GLCE: variants seen among roughly 807,000 people sequenced by gnomAD.
GLCE encodes the protein glucuronic acid epimerase.
GLCE carries 19 observed loss-of-function variants against 47.9 expected under a neutral mutation model. The observed-to-expected ratio is 0.40, with a 90% CI of 0.28 to 0.58. The LOEUF is 0.58. Ranked by LOEUF, GLCE falls within the 20% of genes least tolerant of loss-of-function variation. The pLI is 0.48. For synonymous variants in GLCE, 245 were observed against 263.4 expected, an observed-to-expected ratio of 0.93 and a Z score of 0.68; for missense variants, 556 against 743.3, an observed-to-expected ratio of 0.75 and a Z score of 2.93.
intron 4 of GLCE, among the ~76,000 whole-genome samples, chr15:69,264,331 T>C (rs760528944): frequency 3.3e-5 from 5 of 152,148 alleles, no homozygotes; most frequent in Non-Finnish European, 7.4e-5. Context: ...GATTTCCTTC[T>C]TTGTTATGGC....
At position 69,242,136 on chromosome 15, in the gene GLCE, G is replaced by C. The variant is rs559320382; in HGVS notation, c.-13-13658G>C. The stretch of plus-strand genomic sequence containing the variant: ...TCCATAGCTACAAGTTCATTATCCT[G>C]TGTTTGAAAAGGGCCTCACTTAATG... On this transcript the variant is annotated intron_variant, in intron 2 of 4. Transcript: ENST00000261858. Among the ~76,000 whole-genome samples, 25 of 152,220 alleles carry C rather than the reference G, an allele frequency of 1.6e-4. 1 individual carries two copies. In the South Asian group the frequency reaches 5.2e-3, roughly 32 times the overall value.
intron 2 of GLCE, among the ~76,000 whole-genome samples, 156 bp downstream of exon 2, chr15:69,210,562 T>G (rs1387716781): frequency 6.6e-6 from 1 of 152,148 alleles, no homozygotes; most frequent in Non-Finnish European, 1.5e-5. Flanking sequence ...TAATGTGTAT[T>G]TGATTAACAC....
At chr15:69,176,658 T>A (rs1461261209) in intron 1 of GLCE, among the ~76,000 whole-genome samples, 4 of 152,194 alleles carry the variant, frequency 2.6e-5, no homozygotes, top group Non-Finnish European at 5.9e-5. Flanking sequence ...TCAGTGACAT[T>A]CAGGGTAGGC....
chr15:69,210,894 C>T (rs1595757337), intron 2 of GLCE, among the ~76,000 whole-genome samples: 1 of 152,180 alleles, frequency 6.6e-6, no homozygotes. Context: ...GTCTGTATGG[C>T]CCACAAGCCT....
intron 1 of GLCE, among the ~76,000 whole-genome samples, chr15:69,206,484 C>A (rs1452476158): frequency 6.6e-6 from 1 of 151,912 alleles, no homozygotes; most frequent in East Asian, 1.9e-4. Context: ...ATTAAGTTTT[C>A]TTCTGTAAGT....
chr15:69,217,791 T>G (rs1344177123), intron 2 of GLCE, among the ~76,000 whole-genome samples: 1 of 152,214 alleles, frequency 6.6e-6, no homozygotes, highest in Non-Finnish European at 1.5e-5. Flanking sequence ...TCCTCACAAT[T>G]TATTTAGTCT....
chr15:69,243,979 C>A (rs920326497), intron 2 of GLCE, among the ~76,000 whole-genome samples: 3 of 152,088 alleles, frequency 2.0e-5, no homozygotes, highest in African/African-American at 7.2e-5. Flanking sequence ...TTTTTCACAC[C>A]CTAATTTCTT....
chr15:69,257,009 G>A (rs2052934752), intron 3 of GLCE, among the ~76,000 whole-genome samples: 1 of 152,168 alleles, frequency 6.6e-6, no homozygotes, highest in South Asian at 2.1e-4. Flanking sequence ...TTAAACAGAG[G>A]AAAGAGCTTA....
At chr15:69,253,311 G>A (rs557047816) in intron 2 of GLCE, among the ~76,000 whole-genome samples, 3 of 152,364 alleles carry the variant, frequency 2.0e-5, no homozygotes, top group Admixed American at 6.5e-5. Context: ...TGAAAGGTCT[G>A]CTGGCTCCCC....
chr15:69,260,252 G>GCTTTTTTTTTTTTTTT (rs57452657), intron 3 of GLCE, among the ~76,000 whole-genome samples: 1 of 79,224 alleles, frequency 1.3e-5, no homozygotes. Flanking sequence ...GTCACAACTG[G>GCTTTTTTTTTTTTTTT]TTTTTTTTTT....
intron 2 of GLCE, among the ~76,000 whole-genome samples, chr15:69,221,953 T>TC (rs1178866284): frequency 1.3e-5 from 2 of 152,172 alleles, no homozygotes; most frequent in Non-Finnish European, 2.9e-5. Flanking sequence ...GGGCTGATGT[T>TC]CTTTTTTCCT....
chr15:69,206,776 A>G (rs1220764097), intron 1 of GLCE, among the ~76,000 whole-genome samples: 6 of 151,990 alleles, frequency 3.9e-5, no homozygotes, highest in Middle Eastern at 6.8e-3. Flanking sequence ...GTGTTGGAGA[A>G]TTGTGTTTAG....
intron 2 of GLCE, among the ~76,000 whole-genome samples, chr15:69,252,944 T>C (rs1367672356): frequency 6.6e-6 from 1 of 152,182 alleles, no homozygotes; most frequent in Non-Finnish European, 1.5e-5. Flanking sequence ...AAATGTATTA[T>C]TGGGTTTCCA....
chr15:69,214,325 C>T (rs1314679196), intron 2 of GLCE, among the ~76,000 whole-genome samples: 1 of 151,984 alleles, frequency 6.6e-6, no homozygotes. Flanking sequence ...GAGGGAGAGA[C>T]CTGGTAGGAG....
chr15:69,243,114 A>G (rs1191852340), intron 2 of GLCE, among the ~76,000 whole-genome samples: 1 of 151,862 alleles, frequency 6.6e-6, no homozygotes, highest in East Asian at 1.9e-4. Flanking sequence ...AAGGAAAGAA[A>G]AAAAGAAAAC....
intron 2 of GLCE, among the ~76,000 whole-genome samples, chr15:69,223,152 A>G (rs1247090341): frequency 5.9e-5 from 9 of 152,192 alleles, no homozygotes; most frequent in Non-Finnish European, 1.3e-4. Context: ...ATGATTGCCC[A>G]TGTAGTTACT....
At chr15:69,226,237 T>C (rs562393429) in intron 2 of GLCE, among the ~76,000 whole-genome samples, 11 of 152,338 alleles carry the variant, frequency 7.2e-5, no homozygotes, top group African/African-American at 2.6e-4. Context: ...TATGAACATT[T>C]CAAAACTCTA....
rs192247002 is a variant in GLCE, at chr15:69,239,977, A to G, written c.-13-15817A>G. Among the ~76,000 whole-genome samples, 76 of 152,330 alleles carry G rather than the reference A, an allele frequency of 5.0e-4. 1 individual carries two copies. Among genetic ancestry groups the G allele is most frequent in the African/African-American group, 1.8e-3 (74 of 41,582 alleles). ...ATCATCAGTGATTGCTAAAAGTAAT[A>G]TTGGGTGAACTGCTAAAGGATAACT... is the stretch of plus-strand genomic sequence containing the variant. On this transcript the variant is annotated intron_variant, in intron 2 of 4. Coordinates refer to ENST00000261858, the MANE Select transcript of GLCE (RefSeq NM_015554.3).
chr15:69,229,021 A>G (rs1205528700), intron 2 of GLCE, among the ~76,000 whole-genome samples: 1 of 152,222 alleles, frequency 6.6e-6, no homozygotes, highest in Admixed American at 6.5e-5. Context: ...TACATATAAG[A>G]ACACAAAAAG....
Sources: gnomAD v4.1 joint callset for allele counts (sites outside exome capture counted in the v4.1 genomes callset) on GRCh38, gnomAD v4.1.1 for gene constraint, MANE v1.5 for transcripts, NCBI Gene and HGNC (gene_info 2026-07-23, HGNC 2026-07-21) for gene names.